Variants in CHL1 observed in about 807,000 individuals in gnomAD.
CHL1 encodes the protein neural cell adhesion molecule L1-like protein.
Under a neutral mutation model 141.9 loss-of-function variants are expected in CHL1, and 96 were observed. That is an observed-to-expected ratio of 0.68 (90% CI 0.57 to 0.80). The LOEUF is 0.80. Ranked by LOEUF, CHL1 falls within the 30% of genes least tolerant of loss-of-function variation. CHL1 has a pLI of 0.00. For missense variants in CHL1, 1,820 were observed against 1,457.2 expected, an observed-to-expected ratio of 1.25 and a Z score of -4.05; for synonymous variants, 613 against 502.2, an observed-to-expected ratio of 1.22 and a Z score of -2.95.
intron 1 of CHL1, among the ~76,000 whole-genome samples, chr3:211,995 T>C (rs533396375): frequency 6.6e-6 from 1 of 152,294 alleles, no homozygotes; most frequent in African/African-American, 2.4e-5. Flanking sequence ...TAATGACAAG[T>C]CATTTAGCCA....
chr3:309,527 C>T (rs1294648351), intron 2 of CHL1, among the ~76,000 whole-genome samples: 1 of 150,852 alleles, frequency 6.6e-6, no homozygotes, highest in Non-Finnish European at 1.5e-5. Flanking sequence ...TTCTTTCCTT[C>T]CTTCCTTCCT....
Position 375,968 on chromosome 3 carries a change from G to A in CHL1, c.1752-1850G>A, listed in dbSNP as rs1194606512. On this transcript the variant is annotated intron_variant, in intron 15 of 27. Coordinates refer to ENST00000256509, the MANE Select transcript of CHL1 (RefSeq NM_006614.4). ...ACATGGATTAGGGACTAGCAGACTG[G>A]ATACCGCAGATGAAGGAGTCGAGTG... Among the ~76,000 whole-genome samples, 4 of 152,188 alleles carry A rather than the reference G, an allele frequency of 2.6e-5. No individual in the cohort carries two copies. The East Asian group carries it at 7.7e-4, about 29-fold the overall frequency.
intron 2 of CHL1, among the ~76,000 whole-genome samples, chr3:291,115 G>T (rs189691222): frequency 1.3e-5 from 2 of 151,944 alleles, no homozygotes; most frequent in African/African-American, 2.4e-5. Flanking sequence ...AGGGTTGCCT[G>T]TTTAATATTT....
intron 1 of CHL1, among the ~76,000 whole-genome samples, chr3:214,905 A>G (rs1460809130): frequency 2.0e-5 from 3 of 152,092 alleles, no homozygotes; most frequent in Non-Finnish European, 4.4e-5. Context: ...GTGACAAGGT[A>G]TAATTTAGAG....
intron 2 of CHL1, chr3:309,339 G>C (rs1699540242): frequency 6.6e-6 from 1 of 151,860 alleles, no homozygotes; most frequent in East Asian, 1.9e-4. Context: ...GCGCTGGTTG[G>C]AAAGAAAAAC....
chr3:294,498 G>A (rs1447229624), intron 2 of CHL1, among the ~76,000 whole-genome samples: 2 of 152,202 alleles, frequency 1.3e-5, no homozygotes, highest in Admixed American at 6.5e-5. Flanking sequence ...GTCTTAAAAC[G>A]GTAACCACAA....
In CHL1 at chr3:242,307, C is replaced by A. The variant is rs1357351633; in HGVS notation, c.-174-2306C>A. Among the ~76,000 whole-genome samples, 4 of 125,214 alleles carry A rather than the reference C, an allele frequency of 3.2e-5. No homozygotes were observed. In the East Asian group the frequency reaches 1.1e-3, roughly 35 times the overall value. The allele number at this position is 125,214 out of a possible 152,430, so 82.1% of individuals were successfully genotyped here. ...AGGAATGAAAGAAAACCTAATAATA[C>A]AGAGACTGGCTGAGCGCGGTGGCTC... On this transcript the variant is annotated intron_variant, in intron 1 of 27. Transcript: ENST00000256509.
intron 2 of CHL1, among the ~76,000 whole-genome samples, chr3:306,173 C>A (rs531806494): frequency 6.6e-6 from 1 of 152,260 alleles, no homozygotes; most frequent in Admixed American, 6.5e-5. Context: ...TCTTCTCATA[C>A]AAGCACAGGG....
chr3:242,006 A>G (rs1692619678), intron 1 of CHL1, among the ~76,000 whole-genome samples: 1 of 152,202 alleles, frequency 6.6e-6, no homozygotes, highest in African/African-American at 2.4e-5. Context: ...TTCTTAGATT[A>G]TAGTAGTGTA....
At chr3:205,500 C>T (rs1699350291) in intron 1 of CHL1, among the ~76,000 whole-genome samples, 1 of 152,162 alleles carries the variant, frequency 6.6e-6, no homozygotes, top group Admixed American at 6.5e-5. Flanking sequence ...ACCGTATAAA[C>T]TGAGAGCTGT....
At chr3:205,484 A>G (rs1450656209) in intron 1 of CHL1, among the ~76,000 whole-genome samples, 1 of 152,242 alleles carries the variant, frequency 6.6e-6, no homozygotes, top group African/African-American at 2.4e-5. Context: ...AAGGAAATCT[A>G]GAGTCACCGT....
Position 361,700 on chromosome 3 carries a change from T to A in CHL1, c.1308T>A (p.Asp436Glu). The A allele has an allele frequency of 1.9e-6, 3 of 1,603,168 alleles. No individual in the cohort carries two copies. Among genetic ancestry groups the A allele is most frequent in the Non-Finnish European group, 2.6e-6 (3 of 1,170,490 alleles). ...ILANANIDVV[D>E]VRPLIQTKDG... is the part of the protein sequence containing the mutation. ...TGCGTTTATGTTATTTTCAAATAGA[T>A]GTCCGTCCATTGATACAAACCAAAG... Residue 436 changes from aspartate (D) to glutamate (E), a missense_variant and splice_region_variant, in exon 13 of 28, where the codon GAT becomes GAA. Coordinates refer to ENST00000256509, the MANE Select transcript of CHL1 (RefSeq NM_006614.4).
chr3:399,594 C>A (rs891147392), intron 26 of CHL1, among the ~76,000 whole-genome samples: 1 of 152,110 alleles, frequency 6.6e-6, no homozygotes, highest in African/African-American at 2.4e-5. Context: ...GAGCTGAGAT[C>A]ATGCCACTGT....
In CHL1 at chr3:354,738, A is replaced by C. The variant is rs775346373; in HGVS notation, c.1132A>C (p.Ile378Leu). The C allele has an allele frequency of 4.3e-6, 7 of 1,613,938 alleles. No homozygotes were observed. In the South Asian group the frequency reaches 4.4e-5, roughly 10 times the overall value. The change falls in exon 11 of 28, where the codon ATC (isoleucine) becomes CTC (leucine). Residue 378 changes from isoleucine (I) to leucine (L), a missense_variant. By Grantham distance (5) the Ile-to-Leu change is conservative. Transcript: ENST00000256509. Reference sequence around the variant, plus strand: ...GGCTGAAGGAGAACCTCAACCCACAATCAAGTGGAGAGTCAATGGCTCCCC... The same window carrying C: ...GGCTGAAGGAGAACCTCAACCCACACTCAAGTGGAGAGTCAATGGCTCCCC... ...CEAEGEPQPT[I>L]KWRVNGSPVD...
At chr3:246,561 T>C (rs1693189819) in intron 2 of CHL1, 1 of 152,118 alleles carries the variant, frequency 6.6e-6, no homozygotes, top group South Asian at 2.1e-4. Context: ...TTCATTTTTC[T>C]TTTCAGAATC....
At chr3:339,476 G>T (rs1048632185) in intron 5 of CHL1, among the ~76,000 whole-genome samples, 1 of 152,112 alleles carries the variant, frequency 6.6e-6, no homozygotes, top group Non-Finnish European at 1.5e-5. Context: ...TTTCTAAAAG[G>T]AATCTTATAG....
intron 2 of CHL1, among the ~76,000 whole-genome samples, chr3:315,363 T>G (rs1700082458): frequency 6.6e-6 from 1 of 152,166 alleles, no homozygotes; most frequent in Non-Finnish European, 1.5e-5. Context: ...CTTTGTCATG[T>G]GACCAGTCAG....
At chr3:391,549 T>C (rs1708227774) in intron 22 of CHL1, 126 bp from the exon 23 acceptor site, 1 of 659,454 alleles carries the variant, frequency 1.5e-6, no homozygotes, top group Non-Finnish European at 2.6e-6. Context: ...TATTCCTTAT[T>C]AGTAGTTAAT....
At chr3:213,249 G>A (rs1038206252) in intron 1 of CHL1, 1 of 152,186 alleles carries the variant, frequency 6.6e-6, no homozygotes, top group Non-Finnish European at 1.5e-5. Flanking sequence ...TTCCCATGAT[G>A]CGTTCACCTA....
Sources: gnomAD v4.1 joint callset for allele counts (sites outside exome capture counted in the v4.1 genomes callset) on GRCh38, gnomAD v4.1.1 for gene constraint, MANE v1.5 for transcripts, NCBI Gene and HGNC (gene_info 2026-07-23, HGNC 2026-07-21) for gene names.